The following NELL1 variants were observed in gnomAD, a reference collection of about 807,000 sequenced individuals.
NELL1 encodes neural EGFL like 1, also known as protein kinase C-binding protein NELL1.
Under a neutral mutation model 107.4 loss-of-function variants are expected in NELL1, and 76 were observed. The ratio of observed to expected loss-of-function variants is 0.71; its 90% CI spans 0.59 to 0.86. The LOEUF is 0.86. Ranked by LOEUF, NELL1 falls within the 40% of genes least tolerant of loss-of-function variation. NELL1 has a pLI of 0.00. For synonymous variants in NELL1, 353 were observed against 341.2 expected, an observed-to-expected ratio of 1.03 and a Z score of -0.38; for missense variants, 1,024 against 1,005.5, an observed-to-expected ratio of 1.02 and a Z score of -0.25.
chr11:20,819,329 G>C (rs1450159542), intron 3 of NELL1, among the ~76,000 whole-genome samples: 5 of 152,288 alleles, frequency 3.3e-5, no homozygotes, highest in African/African-American at 1.2e-4. Flanking sequence ...GAGAGGAAAG[G>C]CTTGGTGGCG....
chr11:20,703,829 A>T (rs1027753311), intron 2 of NELL1, among the ~76,000 whole-genome samples: 4 of 152,194 alleles, frequency 2.6e-5, no homozygotes, highest in Non-Finnish European at 4.4e-5. Flanking sequence ...TGAGTTTCTA[A>T]ATCCTGAGTT....
At chr11:20,710,628 A>G (rs1203621719) in intron 2 of NELL1, among the ~76,000 whole-genome samples, 1 of 152,056 alleles carries the variant, frequency 6.6e-6, no homozygotes, top group Non-Finnish European at 1.5e-5. Flanking sequence ...TCTTCTTTGA[A>G]TGTTTGATAG....
At chr11:21,320,931 A>G (rs964491798) in intron 14 of NELL1, among the ~76,000 whole-genome samples, 1 of 152,228 alleles carries the variant, frequency 6.6e-6, no homozygotes, top group African/African-American at 2.4e-5. Context: ...AGAAATGAGA[A>G]TGAATGAAAA....
intron 13 of NELL1, among the ~76,000 whole-genome samples, chr11:21,152,136 A>T (rs1856131599): frequency 6.6e-6 from 1 of 152,328 alleles, no homozygotes; most frequent in Non-Finnish European, 1.5e-5. Context: ...ACCATGTCAC[A>T]GTTCGGTATG....
chr11:20,704,691 T>C (rs1290323060), intron 2 of NELL1, among the ~76,000 whole-genome samples: 1 of 152,102 alleles, frequency 6.6e-6, no homozygotes, highest in Non-Finnish European at 1.5e-5. Context: ...CTCTTGTAAG[T>C]CAGGCCTGGT....
At chr11:21,003,497 T>G (rs925827505) in intron 12 of NELL1, among the ~76,000 whole-genome samples, 2 of 152,140 alleles carry the variant, frequency 1.3e-5, no homozygotes, top group African/African-American at 4.8e-5. Flanking sequence ...TAGTGCAAAC[T>G]CTTTATTTTG....
intron 14 of NELL1, among the ~76,000 whole-genome samples, chr11:21,272,619 T>A (rs1848764364): frequency 6.6e-6 from 1 of 152,226 alleles, no homozygotes; most frequent in Admixed American, 6.5e-5. Context: ...AGTGGGTCTC[T>A]GACACCCGAG....
intron 5 of NELL1, among the ~76,000 whole-genome samples, chr11:20,915,717 A>ATATATATATATATATATATATATATTTTT: frequency 3.4e-5 from 2 of 58,224 alleles, no homozygotes; most frequent in African/African-American, 8.8e-5. Flanking sequence ...ATATATATAT[A>ATATATATATATATATATATATATATTTTT]TTTTTTTTTT....
chr11:21,287,054 T>G (rs1270548126), intron 14 of NELL1, among the ~76,000 whole-genome samples: 1 of 152,218 alleles, frequency 6.6e-6, no homozygotes, highest in Non-Finnish European at 1.5e-5. Context: ...TATTCCTTAT[T>G]ACACAGAATA....
chr11:21,039,760 T>C lies in NELL1; in HGVS notation c.1301-73829T>C, dbSNP rs554733354. 7.2e-5 allele frequency among the ~76,000 whole-genome samples: 11 copies of C among 152,254 alleles called. No homozygotes were observed. The South Asian group carries it at 2.1e-3, about 29-fold the overall frequency. ...AGGAACTAACAGAGAGAAAAATTCT[T>C]ATCTAAAATGAATAAAATTGGAGGG... On this transcript the variant is annotated intron_variant, in intron 12 of 19. Coordinates refer to ENST00000357134, the MANE Select transcript of NELL1 (RefSeq NM_006157.5).
At chr11:21,359,900 A>C (rs1304284536) in intron 14 of NELL1, among the ~76,000 whole-genome samples, 3 of 152,036 alleles carry the variant, frequency 2.0e-5, no homozygotes, top group Non-Finnish European at 4.4e-5. Flanking sequence ...TAATATCACT[A>C]ATGTTCTATC....
At chr11:21,312,829 T>TA (rs141302366) in intron 14 of NELL1, among the ~76,000 whole-genome samples, 3,628 of 152,290 alleles carry the variant, frequency 0.024, 150 homozygotes, top group African/African-American at 0.084. Flanking sequence ...TGCAGTTTTA[T>TA]AAACCTAAAT....
intron 13 of NELL1, among the ~76,000 whole-genome samples, chr11:21,171,095 G>A (rs1045085076): frequency 6.6e-6 from 1 of 151,748 alleles, no homozygotes; most frequent in African/African-American, 2.4e-5. Context: ...CCTTACGGCT[G>A]TCCTCTAGAT....
intron 13 of NELL1, among the ~76,000 whole-genome samples, chr11:21,152,745 A>G (rs905064950): frequency 6.6e-6 from 1 of 152,130 alleles, no homozygotes; most frequent in African/African-American, 2.4e-5. Context: ...ATAGAAAATT[A>G]TGGATTTTTT....
intron 14 of NELL1, among the ~76,000 whole-genome samples, chr11:21,329,879 G>A (rs550182803): frequency 6.6e-6 from 1 of 151,940 alleles, no homozygotes; most frequent in South Asian, 2.1e-4. Context: ...TCTTCTTTGT[G>A]CCACTGTTGT....
chr11:20,777,749 G>A (rs942088210), intron 2 of NELL1, among the ~76,000 whole-genome samples: 2 of 152,188 alleles, frequency 1.3e-5, no homozygotes, highest in Admixed American at 6.5e-5. Context: ...ATATTTTGAG[G>A]TTCACAGTGT....
At chr11:21,019,054 A>G (rs761753445) in intron 12 of NELL1, among the ~76,000 whole-genome samples, 5 of 152,074 alleles carry the variant, frequency 3.3e-5, no homozygotes, top group African/African-American at 1.2e-4. Context: ...GCAGGGAGAT[A>G]TAATAGAGTT....
intron 12 of NELL1, among the ~76,000 whole-genome samples, chr11:20,997,366 T>C (rs910285372): frequency 1.3e-5 from 2 of 152,210 alleles, no homozygotes; most frequent in Admixed American, 6.5e-5. Flanking sequence ...GTTACAGCCA[T>C]TCCAGAGCAC....
At chr11:21,200,852 C>T (rs150152737) in intron 13 of NELL1, among the ~76,000 whole-genome samples, 382 of 152,208 alleles carry the variant, frequency 2.5e-3, no homozygotes, top group Non-Finnish European at 4.3e-3. Flanking sequence ...TTTCTACATA[C>T]GGCTAGCCAG....
Sources: allele counts gnomAD v4.1 joint callset (sites outside exome capture counted in the v4.1 genomes callset), GRCh38; gene constraint gnomAD v4.1.1; transcripts MANE v1.5; gene names NCBI Gene and HGNC (gene_info 2026-07-23, HGNC 2026-07-21).